GNAZ: variants seen among roughly 807,000 people sequenced by gnomAD.
GNAZ encodes the protein G protein subunit alpha z, also known as guanine nucleotide-binding protein G(z) subunit alpha.
A neutral mutation model predicts 25.4 loss-of-function variants in GNAZ; 3 were observed. That is an observed-to-expected ratio of 0.12 (90% confidence interval 0.05 to 0.30). GNAZ has a LOEUF of 0.30. GNAZ is among the 10% of genes least tolerant of loss of function. The pLI is 1.00. For synonymous variants in GNAZ, 211 were observed against 205.7 expected, an observed-to-expected ratio of 1.03 and a Z score of -0.22; for missense variants, 241 against 501.8, an observed-to-expected ratio of 0.48 and a Z score of 4.97.
chr22:23,084,714 A>C (rs2068770388), intron 1 of GNAZ, among the ~76,000 whole-genome samples: 1 of 152,152 alleles, frequency 6.6e-6, no homozygotes, highest in Non-Finnish European at 1.5e-5. Flanking sequence ...CCCGCCCTTC[A>C]CTACCCCAAG....
At chr22:23,107,909 A>T (rs1336541359) in intron 2 of GNAZ, among the ~76,000 whole-genome samples, 1 of 152,222 alleles carries the variant, frequency 6.6e-6, no homozygotes, top group Admixed American at 6.5e-5. Context: ...ACCAGCTGTC[A>T]CTGGAGGGCC....
chr22:23,109,272 C>T (rs1267100130), intron 2 of GNAZ, among the ~76,000 whole-genome samples: 5 of 152,264 alleles, frequency 3.3e-5, no homozygotes, highest in African/African-American at 9.6e-5. Flanking sequence ...CCGAGGGCAG[C>T]CCCACCAAAG....
At chr22:23,074,306 C>T (rs2068454509) in intron 1 of GNAZ, among the ~76,000 whole-genome samples, 1 of 152,144 alleles carries the variant, frequency 6.6e-6, no homozygotes, top group South Asian at 2.1e-4. Flanking sequence ...GGCTGCTGAC[C>T]CAGGGGTGGG....
chr22:23,085,696 C>T (rs1230150387), intron 1 of GNAZ, among the ~76,000 whole-genome samples: 1 of 152,192 alleles, frequency 6.6e-6, no homozygotes, highest in Non-Finnish European at 1.5e-5. Context: ...CCTGGTTGTC[C>T]CAGCTTGTCC....
rs908857536 is a variant in GNAZ, at chr22:23,071,798, G to A, written c.-450+1228G>A. On this transcript the variant is annotated intron_variant, in intron 1 of 2. Coordinates refer to ENST00000615612, the MANE Select transcript of GNAZ (RefSeq NM_002073.4). This position sits in a 1 kb window ranked among gnomAD's most constrained non-coding sequence, Gnocchi z 4.1. The stretch of plus-strand genomic sequence containing the variant: ...CATGACATTTGAACTGGAGCTTGAA[G>A]GACATGGGCACAGCTAAGCTGGGCA... 6.6e-6 allele frequency among the ~76,000 whole-genome samples: 1 copy of A among 152,228 alleles called. No homozygotes were observed. Among genetic ancestry groups the A allele is most frequent in the African/African-American group, 2.4e-5 (1 of 41,460 alleles).
chr22:23,120,532 TA>T (rs2146394956), intron 2 of GNAZ, among the ~76,000 whole-genome samples: 1 of 152,254 alleles, frequency 6.6e-6, no homozygotes, highest in Non-Finnish European at 1.5e-5. Flanking sequence ...TCCTCTTACC[TA>T]AATTCCACTG....
intron 2 of GNAZ, among the ~76,000 whole-genome samples, chr22:23,098,789 A>G (rs1255399507): frequency 6.6e-6 from 1 of 152,240 alleles, no homozygotes; most frequent in African/African-American, 2.4e-5. Flanking sequence ...TTCCTCCCGC[A>G]GGCTGGGCTG....
chr22:23,084,631 C>A (rs1253691529), intron 1 of GNAZ, among the ~76,000 whole-genome samples: 1 of 152,202 alleles, frequency 6.6e-6, no homozygotes, highest in African/African-American at 2.4e-5. Context: ...CTCATTTTTG[C>A]CTTCATCCCC....
In GNAZ at chr22:23,084,188, A is replaced by G. The variant is rs34089449; in HGVS notation, c.-449-11059A>G. Among the ~76,000 whole-genome samples the G allele has an allele frequency of 3.7e-3, 567 of 152,324 alleles. 11 individuals are homozygous for G. The highest frequency in any genetic ancestry group is 0.029 in the East Asian group (152 of 5,186). On this transcript the variant is annotated intron_variant, in intron 1 of 2. Coordinates refer to ENST00000615612, the MANE Select transcript of GNAZ (RefSeq NM_002073.4). ...ATGTGGCTTTTTAGTCCAAAAATAC[A>G]AGCAGTCCCCAACTTAGGATGGTTT... is the stretch of plus-strand genomic sequence containing the variant.
intron 2 of GNAZ, among the ~76,000 whole-genome samples, chr22:23,119,708 C>T (rs1235104904): frequency 6.6e-6 from 1 of 152,226 alleles, no homozygotes; most frequent in Non-Finnish European, 1.5e-5. Flanking sequence ...AGTGAGGCGG[C>T]AAGCTCAGGT....
At chr22:23,117,898 C>T (rs1372796442) in intron 2 of GNAZ, among the ~76,000 whole-genome samples, 2 of 152,180 alleles carry the variant, frequency 1.3e-5, no homozygotes, top group Non-Finnish European at 2.9e-5. Context: ...CACAACTAAC[C>T]AGGCGCAGGC....
At chr22:23,103,008 G>A (rs1040199485) in intron 2 of GNAZ, among the ~76,000 whole-genome samples, 6 of 152,188 alleles carry the variant, frequency 3.9e-5, no homozygotes, top group Admixed American at 3.9e-4. Context: ...GAGGAGGGAG[G>A]AGAGAACAAG....
chr22:23,084,291 A>G (rs2068758347), intron 1 of GNAZ, among the ~76,000 whole-genome samples: 1 of 152,194 alleles, frequency 6.6e-6, no homozygotes, highest in Non-Finnish European at 1.5e-5. Context: ...TCATACAACC[A>G]TTCATTCTGA....
At chr22:23,083,744 G>C (rs1989777) in intron 1 of GNAZ, among the ~76,000 whole-genome samples, 52,079 of 151,760 alleles carry the variant, frequency 0.34, 9,691 homozygotes, top group African/African-American at 0.5. Flanking sequence ...CCAGTTTGTG[G>C]GGCATCCCTT....
intron 1 of GNAZ, among the ~76,000 whole-genome samples, chr22:23,092,257 G>A (rs2069000489): frequency 6.6e-6 from 1 of 152,190 alleles, no homozygotes; most frequent in Non-Finnish European, 1.5e-5. Flanking sequence ...TAAGAGCCAA[G>A]AAGTCAAGCC....
chr22:23,087,345 A>G (rs1326181721), intron 1 of GNAZ, among the ~76,000 whole-genome samples: 3 of 152,174 alleles, frequency 2.0e-5, no homozygotes, highest in South Asian at 2.1e-4. Flanking sequence ...GCGTGCCTGC[A>G]GTCCCAGCTA....
intron 2 of GNAZ, among the ~76,000 whole-genome samples, chr22:23,098,795 G>T (rs750013954): frequency 2.4e-4 from 36 of 152,250 alleles, no homozygotes; most frequent in Non-Finnish European, 5.1e-4. Flanking sequence ...CCGCAGGCTG[G>T]GCTGGCCCCG....
At chr22:23,080,294 A>G (rs1294186410) in intron 1 of GNAZ, among the ~76,000 whole-genome samples, 1 of 152,214 alleles carries the variant, frequency 6.6e-6, no homozygotes, top group Non-Finnish European at 1.5e-5. Flanking sequence ...GCCAAAAGAC[A>G]GGACAGGTGG....
chr22:23,110,532 G>A (rs951410611), intron 2 of GNAZ, among the ~76,000 whole-genome samples: 2 of 152,208 alleles, frequency 1.3e-5, no homozygotes, highest in Admixed American at 6.5e-5. Context: ...AGAGACAGAG[G>A]GAGAGCAGGG....
Sources: gnomAD v4.1 joint callset for allele counts (sites outside exome capture counted in the v4.1 genomes callset) on GRCh38, gnomAD v4.1.1 for gene constraint, Gnocchi (gnomAD v3.1) non-coding constraint, MANE v1.5 for transcripts, NCBI Gene and HGNC (gene_info 2026-07-23, HGNC 2026-07-21) for gene names.